ANK1: variants seen among roughly 807,000 people sequenced by gnomAD.
ANK1 encodes ankyrin 1.
Under a neutral mutation model 210.4 loss-of-function variants are expected in ANK1, and 51 were observed. The ratio of observed to expected loss-of-function variants is 0.24; its 90% CI spans 0.19 to 0.31. ANK1 has a LOEUF of 0.31. Among genes scored for constraint, ANK1 ranks in the 10% least tolerant of loss-of-function variants. ANK1 has a pLI of 1.00. For synonymous variants in ANK1, 967 were observed against 1,025.9 expected, an observed-to-expected ratio of 0.94 and a Z score of 1.10; for missense variants, 2,051 against 2,504.4, an observed-to-expected ratio of 0.82 and a Z score of 3.86.
rs117515616 is a variant in ANK1 at position 41,711,356 on chromosome 8, G to A, written c.1801-2381C>T. 2.6e-3 allele frequency among the ~76,000 whole-genome samples: 396 copies of A among 152,316 alleles called. 1 individual carries two copies. Among genetic ancestry groups the A allele is most frequent in the Non-Finnish European group, 4.1e-3 (282 of 68,020 alleles). On this transcript the variant is annotated intron_variant, in intron 16 of 42. Coordinates refer to ENST00000289734, the MANE Select transcript of ANK1 (RefSeq NM_000037.4). ...CCTTAAAAACTGAATTCCCAGCCACGAAGGAAGGGAGGTTGGACACGCCTT... is the reference window on the plus strand; with the variant it reads ...CCTTAAAAACTGAATTCCCAGCCACAAAGGAAGGGAGGTTGGACACGCCTT...
chr8:41,878,569 C>T (rs6474368), intron 1 of ANK1, among the ~76,000 whole-genome samples: 151,679 of 152,376 alleles, frequency 1, 75,494 homozygotes, highest in Middle Eastern at 1. Context: ...CCCATGAAAA[C>T]GATTTTACAG....
intron 2 of ANK1, among the ~76,000 whole-genome samples, chr8:41,736,265 A>G (rs113564730): frequency 0.02 from 3,104 of 152,262 alleles, 103 homozygotes; most frequent in African/African-American, 0.071. Context: ...CTGCAAAGCA[A>G]TTTGTCGAGT....
chr8:41,812,297 A>G (rs1802613174), intron 1 of ANK1, among the ~76,000 whole-genome samples: 1 of 152,242 alleles, frequency 6.6e-6, no homozygotes, highest in South Asian at 2.1e-4. Context: ...GAAAACCATA[A>G]TTATATACAT....
chr8:41,784,734 A>G (rs1202807064), intron 1 of ANK1, among the ~76,000 whole-genome samples: 3 of 152,244 alleles, frequency 2.0e-5, no homozygotes, highest in Admixed American at 2.0e-4. Context: ...TTAAACAAAC[A>G]TCCTGCAATG....
intron 2 of ANK1, among the ~76,000 whole-genome samples, chr8:41,746,600 G>A (rs142183503): frequency 3.6e-4 from 55 of 152,256 alleles, no homozygotes; most frequent in South Asian, 1.0e-3. Context: ...AATGCACAAC[G>A]ATTTTAGAGC....
chr8:41,850,648 T>C (rs1378800625), intron 1 of ANK1, among the ~76,000 whole-genome samples: 1 of 152,006 alleles, frequency 6.6e-6, no homozygotes, highest in African/African-American at 2.4e-5. Context: ...ACCCAGATAA[T>C]TTTTTATATT....
chr8:41,657,783 T>G (rs1437863037), intron 42 of ANK1, among the ~76,000 whole-genome samples: 1 of 152,212 alleles, frequency 6.6e-6, no homozygotes, highest in Admixed American at 6.5e-5. Flanking sequence ...GATGAGGACC[T>G]AGGCCACCTC....
rs764134028 is a variant in ANK1 at position 41,718,165 on chromosome 8, G to T, written c.1147C>A (p.His383Asn). The change falls in exon 11 of 43, where the codon CAC becomes AAC. Residue 383 changes from histidine (H) to asparagine (N), a missense_variant. By Grantham distance (68) the His-to-Asn change is moderately conservative. This residue lies in a region of ANK1 where 1,413 missense variants were observed against 1,707.4 expected (regional missense o/e 0.83). Transcript: ENST00000289734. ...TPLHIACKKN[H>N]VRVMELLLKT... The stretch of plus-strand genomic sequence containing the variant: ...AGCAGCAGCTCCATGACACGGACGT[G>T]GTTCTTTTTGCAGGCGATGTGTAAG... 3.1e-6 allele frequency: 5 copies of T among 1,613,912 alleles called. No individual in the cohort carries two copies. The African/African-American group carries it at 6.7e-5, about 22-fold the overall frequency.
At chr8:41,850,020 T>C (rs762517542) in intron 1 of ANK1, among the ~76,000 whole-genome samples, 3 of 152,138 alleles carry the variant, frequency 2.0e-5, no homozygotes, top group Admixed American at 6.5e-5. Flanking sequence ...AGTCCCTCAC[T>C]GCAGCCTCCC....
chr8:41,747,541 C>T (rs1269112795), intron 2 of ANK1, among the ~76,000 whole-genome samples: 1 of 152,184 alleles, frequency 6.6e-6, no homozygotes, highest in Non-Finnish European at 1.5e-5. Context: ...CTTTGAGATC[C>T]TGTGTTTTGC....
At chr8:41,746,197 A>G (rs1836083801) in intron 2 of ANK1, among the ~76,000 whole-genome samples, 1 of 152,148 alleles carries the variant, frequency 6.6e-6, no homozygotes, top group African/African-American at 2.4e-5. Context: ...CCTCTTTCTA[A>G]CCCGGATAGT....
chr8:41,852,733 C>T (rs865899457), intron 1 of ANK1, among the ~76,000 whole-genome samples: 1 of 152,342 alleles, frequency 6.6e-6, no homozygotes, highest in African/African-American at 2.4e-5. Context: ...GAGGATGACG[C>T]CACTGGTGGG....
intron 38 of ANK1, among the ~76,000 whole-genome samples, chr8:41,669,212 T>G (rs1341875718): frequency 6.6e-6 from 1 of 151,808 alleles, no homozygotes; most frequent in Non-Finnish European, 1.5e-5. Context: ...ATCTCTACAC[T>G]CAGCGTGCCT....
chr8:41,692,869 G>A lies in ANK1; in HGVS notation c.3637C>T (p.Leu1213=). 1 of 1,613,864 alleles carries A rather than the reference G, an allele frequency of 6.2e-7. No individual in the cohort carries two copies. The highest frequency in any genetic ancestry group is 1.1e-5 in the South Asian group (1 of 91,074). The part of the protein sequence containing the change: ...FTTNVSARFW[L]SDCPRTAEAV... ...TCAGCAGTCCGAGGACAGTCCGACA[G>A]CCAAAACCTAAAAAGTAGGGCGAGT... Residue 1213 remains leucine (L), a synonymous_variant, in exon 31 of 43, where the codon CTG becomes TTG. Coordinates refer to ENST00000289734, the MANE Select transcript of ANK1 (RefSeq NM_000037.4).
intron 3 of ANK1, among the ~76,000 whole-genome samples, chr8:41,733,393 T>C (rs927137136): frequency 6.6e-6 from 1 of 152,230 alleles, no homozygotes; most frequent in African/African-American, 2.4e-5. Flanking sequence ...GTCACTAGTA[T>C]TTATTGATTC....
chr8:41,804,811 G>A (rs764604223), intron 1 of ANK1, among the ~76,000 whole-genome samples: 1 of 151,964 alleles, frequency 6.6e-6, no homozygotes, highest in Admixed American at 6.6e-5. Flanking sequence ...CCCACATTCC[G>A]GCAAAACACG....
At chr8:41,804,340 GAC>G (rs1172132388) in intron 1 of ANK1, among the ~76,000 whole-genome samples, 1 of 152,188 alleles carries the variant, frequency 6.6e-6, no homozygotes, top group Non-Finnish European at 1.5e-5. Context: ...GCCTAGTCTA[GAC>G]ATCACATATC....
intron 1 of ANK1, among the ~76,000 whole-genome samples, chr8:41,761,060 A>AG (rs1338354945): frequency 6.6e-6 from 1 of 152,142 alleles, no homozygotes; most frequent in Non-Finnish European, 1.5e-5. Context: ...TAGATTACCT[A>AG]GGCTGGCCCT....
chr8:41,660,265 A>C (rs1233766513), intron 42 of ANK1, among the ~76,000 whole-genome samples: 1 of 152,130 alleles, frequency 6.6e-6, no homozygotes, highest in Non-Finnish European at 1.5e-5. Context: ...GCCCAGAGTC[A>C]GCACTTTTGG....
Sources: allele counts gnomAD v4.1 joint callset (sites outside exome capture counted in the v4.1 genomes callset), GRCh38; gene constraint gnomAD v4.1.1; regional missense constraint gnomAD v4.1.1; transcripts MANE v1.5; gene names NCBI Gene and HGNC (gene_info 2026-07-23, HGNC 2026-07-21).